The following MAVS variants were observed in gnomAD, a reference collection of about 807,000 sequenced individuals.
The protein encoded by MAVS is mitochondrial antiviral signaling protein.
Under a neutral mutation model 30.2 loss-of-function variants are expected in MAVS, and 20 were observed. That is an observed-to-expected ratio of 0.66 (90% CI 0.47 to 0.96). The LOEUF is 0.96. MAVS is among the 40% of genes least tolerant of loss of function. MAVS has a pLI of 0.00. For missense variants in MAVS, 624 were observed against 701.1 expected (o/e 0.89, Z 1.24); for synonymous variants, 278 against 293.9 (o/e 0.95, Z 0.55).
At chr20:3,857,015 G>A (rs567425984) in intron 2 of MAVS, among the ~76,000 whole-genome samples, 2 of 146,444 alleles carry the variant, frequency 1.4e-5, no homozygotes, top group African/African-American at 5.1e-5. Context: ...CAGCCTGGGC[G>A]ACGGAGTGGG....
At chr20:3,858,070 G>C in intron 3 of MAVS, 1 of 525,702 alleles carries the variant, frequency 1.9e-6, no homozygotes, top group Non-Finnish European at 3.5e-6. Context: ...GGGAGCTGCA[G>C]TGGGTGATAC....
Position 3,865,481 on chromosome 20 carries a change from C to A in MAVS, c.1159-202C>A, listed in dbSNP as rs1170470921. On this transcript the variant is annotated intron_variant, in intron 6 of 6. Transcript: ENST00000428216. This position sits in a 1 kb window ranked among gnomAD's most constrained non-coding sequence, Gnocchi z 4.7. ...AGGCCAGGGAGTAGGGAAAGGCTGCCCTGGAGGAGGCCACCATTGGTGCAG... is the reference window on the plus strand; with the variant it reads ...AGGCCAGGGAGTAGGGAAAGGCTGCACTGGAGGAGGCCACCATTGGTGCAG... Among the ~76,000 whole-genome samples the A allele has an allele frequency of 6.6e-6, 1 of 152,094 alleles. No individual in the cohort carries two copies. Among genetic ancestry groups the A allele is most frequent in the Non-Finnish European group, 1.5e-5 (1 of 68,004 alleles).
chr20:3,863,241 G>A (rs557118675), intron 5 of MAVS, among the ~76,000 whole-genome samples: 2 of 152,188 alleles, frequency 1.3e-5, no homozygotes, highest in African/African-American at 4.8e-5. Context: ...CCAGATGTCA[G>A]TGCTCCCCCT....
chr20:3,848,193 G>C (rs1262371944), intron 1 of MAVS, among the ~76,000 whole-genome samples: 1 of 151,978 alleles, frequency 6.6e-6, no homozygotes, highest in Non-Finnish European at 1.5e-5. Flanking sequence ...TCTGCCTCCT[G>C]GGTCTAGAGA....
intron 3 of MAVS, among the ~76,000 whole-genome samples, chr20:3,860,373 ATTTTTTTTT>A (rs36084316): frequency 8.0e-6 from 1 of 125,072 alleles, no homozygotes; most frequent in East Asian, 2.4e-4. Flanking sequence ...GATTCCTTCT[ATTTTTTTTT>A]TTTTTTTTTG....
intron 3 of MAVS, among the ~76,000 whole-genome samples, chr20:3,859,307 A>G (rs1352339541): frequency 2.0e-5 from 3 of 151,816 alleles, no homozygotes; most frequent in African/African-American, 7.3e-5. Flanking sequence ...GGAGTTCGAG[A>G]CCAGCCTGGC....
At chr20:3,858,620 GCGCCACTGCA>G (rs1487335444) in intron 3 of MAVS, among the ~76,000 whole-genome samples, 2 of 147,178 alleles carry the variant, frequency 1.4e-5, no homozygotes, top group African/African-American at 5.0e-5. Context: ...AGCTGAGATC[GCGCCACTGCA>G]CTCCAGCCTG....
At chr20:3,856,594 C>T (rs375002428) in intron 2 of MAVS, among the ~76,000 whole-genome samples, 2 of 152,040 alleles carry the variant, frequency 1.3e-5, no homozygotes, top group Non-Finnish European at 2.9e-5. Context: ...TTGTGATCCT[C>T]GGCCTTCCAA....
rs2089926545 is a variant in MAVS, at chr20:3,868,493, G to A, written c.*2346G>A. 6.6e-6 allele frequency: 1 copy of A among 152,164 alleles called. No individual in the cohort carries two copies. The highest frequency in any genetic ancestry group is 2.1e-4 in the South Asian group (1 of 4,830). 9.4% of individuals were successfully genotyped at this position (152,164 alleles called of 1,614,324 possible). A position where few individuals can be genotyped will look rare whatever the true frequency, so the allele number is the denominator to read the frequency against. On this transcript the variant is annotated 3_prime_UTR_variant, in exon 7 of 7. Transcript: ENST00000428216. ...CTACAAAAATAAGAAAATTAGCCAG[G>A]TGTAGTGGCAGACGTCTGTAATCCC... is the stretch of plus-strand genomic sequence containing the variant.
intron 3 of MAVS, 58 bp downstream of exon 3, chr20:3,857,867 C>T (rs764222558): frequency 6.4e-7 from 1 of 1,555,278 alleles, no homozygotes; most frequent in South Asian, 1.1e-5. Flanking sequence ...CCTCCGCTCT[C>T]CTTTTCTCTC....
At position 3,866,038 on chromosome 20, in the gene MAVS, A is replaced by G; in HGVS notation, c.1514A>G (p.Glu505Gly). The G allele has an allele frequency of 6.2e-7, 1 of 1,612,610 alleles. No homozygotes were observed. Among genetic ancestry groups the G allele is most frequent in the Non-Finnish European group, 8.5e-7 (1 of 1,179,984 alleles). Reference sequence around the variant, plus strand: ...GCCGACCGGAAGTTCCAGGAGAGGGAGGTGCCATGCCACAGGCCCTCACCT... The same window carrying G: ...GCCGACCGGAAGTTCCAGGAGAGGGGGGTGCCATGCCACAGGCCCTCACCT... ...PQADRKFQEREVPCHRPSPGA... is the reference protein window; with the variant it reads ...PQADRKFQERGVPCHRPSPGA... The change falls in exon 7 of 7, where the codon GAG becomes GGG. Residue 505 changes from glutamate to glycine, a missense_variant. Glu to Gly is a moderately conservative substitution (Grantham distance 98). Coordinates refer to ENST00000428216, the MANE Select transcript of MAVS (RefSeq NM_020746.5).
Position 3,867,313 on chromosome 20 carries a change from A to C in MAVS, c.*1166A>C. 1.2e-5 allele frequency: 4 copies of C among 330,620 alleles called. No homozygotes were observed. The highest frequency in any genetic ancestry group is 2.4e-5 in the Non-Finnish European group (4 of 168,962). The allele number at this position is 330,620 out of a possible 1,614,324, so 20.5% of individuals were successfully genotyped here. On this transcript the variant is annotated 3_prime_UTR_variant, in exon 7 of 7. Coordinates refer to ENST00000428216, the MANE Select transcript of MAVS (RefSeq NM_020746.5). ...TTCCCAGTGTTGTGAAGATTAAAGGAGTTTATCGATGTAGGTCTTAGGATG... is the reference window on the plus strand; with the variant it reads ...TTCCCAGTGTTGTGAAGATTAAAGGCGTTTATCGATGTAGGTCTTAGGATG...
intron 3 of MAVS, among the ~76,000 whole-genome samples, chr20:3,858,872 T>C (rs1279582350): frequency 2.6e-5 from 4 of 151,134 alleles, no homozygotes; most frequent in Non-Finnish European, 5.9e-5. Context: ...CAATCATAGC[T>C]CACTGCAGCC....
At chr20:3,853,953 AT>A (rs56392229) in intron 1 of MAVS, among the ~76,000 whole-genome samples, 247 of 132,714 alleles carry the variant, frequency 1.9e-3, no homozygotes, top group African/African-American at 2.4e-3. Context: ...ATGCCCAGCT[AT>A]TTTTTTTTTT....
Position 3,857,771 on chromosome 20 carries a change from C to A in MAVS, c.254C>A (p.Ala85Glu). 2 of 1,614,190 alleles carry A rather than the reference C, an allele frequency of 1.2e-6. No homozygotes were observed. The highest frequency in any genetic ancestry group is 1.7e-6 in the Non-Finnish European group (2 of 1,180,032). Residue 85 changes from alanine (A) to glutamate (E), a missense_variant, in exon 3 of 7, where the codon GCG becomes GAG. Physicochemically the swap from Ala to Glu is moderately radical, Grantham distance 107. Transcript: ENST00000428216. ...ALRGCELVDL[A>E]DEVASVYQSY... ...AGGGGCTGTGAGCTAGTTGATCTCG[C>A]GGACGAAGTGGCCTCTGTCTACCAG...
rs1453304443 is a variant in MAVS, at chr20:3,866,468, C to T, written c.*321C>T. The T allele has an allele frequency of 4.8e-6, 2 of 417,656 alleles. No individual in the cohort carries two copies. Among genetic ancestry groups the T allele is most frequent in the East Asian group, 4.4e-5 (1 of 22,622 alleles). 25.9% of individuals were successfully genotyped at this position (417,656 alleles called of 1,614,324 possible). On this transcript the variant is annotated 3_prime_UTR_variant, in exon 7 of 7. Coordinates refer to ENST00000428216, the MANE Select transcript of MAVS (RefSeq NM_020746.5). ...AGGAGCTTCCTCCTCCAGGCCTCAG[C>T]CCTGTTGGCCCAGGTGGAGCAGGAG...
At chr20:3,857,557 C>CT in intron 2 of MAVS, 78 bp from the exon 3 acceptor site, 1 of 1,486,024 alleles carries the variant, frequency 6.7e-7, no homozygotes, top group East Asian at 2.4e-5. Flanking sequence ...ACCCCTCCCC[C>CT]CGCTGTGGCT....
rs900748890 is a variant in MAVS, at chr20:3,868,926, T to C, written c.*2779T>C. ...ATTTTAGCACAGTAACCAGCCATGA[T>C]GGGAGATACCCTGGGTAAGGCATGT... On this transcript the variant is annotated 3_prime_UTR_variant, in exon 7 of 7. Coordinates refer to ENST00000428216, the MANE Select transcript of MAVS (RefSeq NM_020746.5). 2.0e-5 allele frequency: 3 copies of C among 152,322 alleles called. No homozygotes were observed. Among genetic ancestry groups the C allele is most frequent in the African/African-American group, 7.2e-5 (3 of 41,462 alleles). The allele number at this position is 152,322 out of a possible 1,614,324, so 9.4% of individuals were successfully genotyped here. A position where few individuals can be genotyped will look rare whatever the true frequency, so the allele number is the denominator to read the frequency against.
intron 1 of MAVS, among the ~76,000 whole-genome samples, chr20:3,853,242 T>G (rs111545682): frequency 7.4e-4 from 110 of 148,894 alleles, no homozygotes; most frequent in Middle Eastern, 3.4e-3. Flanking sequence ...ATCCCAGCAC[T>G]TTGGGAGGCC....
Sources: allele counts gnomAD v4.1 joint callset (sites outside exome capture counted in the v4.1 genomes callset), GRCh38; gene constraint gnomAD v4.1.1; non-coding constraint Gnocchi (gnomAD v3.1); transcripts MANE v1.5; gene names NCBI Gene and HGNC (gene_info 2026-07-23, HGNC 2026-07-21).